Variants in AFF2 observed in about 807,000 individuals in gnomAD.
AFF2 encodes ALF transcription elongation factor 2.
A neutral mutation model predicts 76.9 loss-of-function variants in AFF2; 14 were observed. That is an observed-to-expected ratio of 0.18 (90% CI 0.12 to 0.28). AFF2 has a LOEUF of 0.28. Ranked by LOEUF, AFF2 falls within the 10% of genes least tolerant of loss-of-function variation. The pLI is 1.00. For synonymous variants in AFF2, 398 were observed against 366.7 expected, an observed-to-expected ratio of 1.09 and a Z score of -0.98; for missense variants, 868 against 1,001.1, an observed-to-expected ratio of 0.87 and a Z score of 1.79.
At chrX:148,663,966 T>G (rs2054333470) in intron 3 of AFF2, among the ~76,000 whole-genome samples, 1 of 112,147 alleles carries the variant, frequency 8.9e-6, no homozygotes. Context: ...GCAGTTTTGC[T>G]TTTTGTATCA....
intron 3 of AFF2, among the ~76,000 whole-genome samples, chrX:148,693,532 A>G (rs192842644): frequency 1.0e-3 from 116 of 111,985 alleles, no homozygotes; most frequent in Middle Eastern, 9.2e-3. Context: ...TGTTTAGCTT[A>G]TGATTTCCCA....
At chrX:148,970,901 C>T (rs1348756197) in intron 15 of AFF2, among the ~76,000 whole-genome samples, 1 of 111,496 alleles carries the variant, frequency 9.0e-6, no homozygotes, top group African/African-American at 3.3e-5. Context: ...AAAAGCAGCC[C>T]TTAGTTGCAA....
chrX:148,753,613 C>A (rs2055527759), intron 3 of AFF2, among the ~76,000 whole-genome samples: 1 of 111,895 alleles, frequency 8.9e-6, no homozygotes, highest in Admixed American at 9.5e-5. Context: ...AATATTGAAT[C>A]TTTTGGGGGA....
chrX:148,515,616 C>T (rs1170841655), intron 1 of AFF2, among the ~76,000 whole-genome samples: 1 of 111,733 alleles, frequency 8.9e-6, no homozygotes, highest in Non-Finnish European at 1.9e-5. Flanking sequence ...ATCATAAAAG[C>T]TATAACGATA....
At chrX:148,522,944 G>T (rs1557234722) in intron 1 of AFF2, among the ~76,000 whole-genome samples, 1 of 112,204 alleles carries the variant, frequency 8.9e-6, no homozygotes, top group African/African-American at 3.2e-5. Flanking sequence ...AGAAACTGAG[G>T]CAAGGAAATC....
At chrX:148,733,404 A>ATTCATTCATTCATCCT (rs1193299755) in intron 3 of AFF2, among the ~76,000 whole-genome samples, 9 of 110,518 alleles carry the variant, frequency 8.1e-5, no homozygotes, top group Non-Finnish European at 1.5e-4. Flanking sequence ...TTGTGCATTC[A>ATTCATTCATTCATCCT]TTCATTCATT....
chrX:148,874,932 G>A (rs927983735), intron 7 of AFF2, among the ~76,000 whole-genome samples: 1 of 112,141 alleles, frequency 8.9e-6, no homozygotes, highest in Non-Finnish European at 1.9e-5. Context: ...CCACATCAAT[G>A]TAATTGTGCC....
intron 4 of AFF2, among the ~76,000 whole-genome samples, chrX:148,835,195 G>A (rs889878512): frequency 9.0e-6 from 1 of 110,944 alleles, no homozygotes; most frequent in Non-Finnish European, 1.9e-5. Flanking sequence ...AAACCCAGAG[G>A]CACACCTCTA....
intron 3 of AFF2, among the ~76,000 whole-genome samples, chrX:148,692,516 G>T (rs1455337382): frequency 2.7e-5 from 3 of 112,083 alleles, no homozygotes; most frequent in Admixed American, 9.4e-5. Flanking sequence ...GTTCAGAAAA[G>T]AAAAGGTTCC....
Position 148,581,241 on chromosome X carries a change from T to TATACACACATATAC in AFF2, c.48-70758_48-70757insATACACACATATAC, listed in dbSNP as rs1557244686. Among the ~76,000 whole-genome samples the TATACACACATATAC allele has an allele frequency of 4.8e-5, 3 of 62,617 alleles. 1 individual carries two copies. The highest frequency in any genetic ancestry group is 1.8e-4 in the African/African-American group (3 of 16,501). 54.4% of individuals were successfully genotyped at this position (62,617 alleles called of 115,157 possible). On this transcript the variant is annotated intron_variant, in intron 1 of 20. Transcript: ENST00000370460. ...TATATAATATACGTATACGTATACG[T>TATACACACATATAC]GTACACACATATACGTATACGTGTA...
At chrX:148,673,932 C>T (rs1477141594) in intron 3 of AFF2, among the ~76,000 whole-genome samples, 1 of 112,596 alleles carries the variant, frequency 8.9e-6, no homozygotes, top group Non-Finnish European at 1.9e-5. Flanking sequence ...TATAAAGTTT[C>T]TTTTCACTTA....
chrX:148,711,635 T>C (rs782733813), intron 3 of AFF2, among the ~76,000 whole-genome samples: 3 of 112,426 alleles, frequency 2.7e-5, no homozygotes, highest in African/African-American at 9.7e-5. Context: ...CTCATTCCCC[T>C]TGGAAAGTAT....
intron 1 of AFF2, among the ~76,000 whole-genome samples, chrX:148,567,608 A>G (rs781805623): frequency 9.0e-6 from 1 of 111,087 alleles, no homozygotes; most frequent in African/African-American, 3.3e-5. Context: ...CTGATATACC[A>G]TTGTTTCAAG....
intron 9 of AFF2, among the ~76,000 whole-genome samples, chrX:148,917,971 G>C (rs1316028007): frequency 1.8e-5 from 2 of 111,826 alleles, no homozygotes; most frequent in Non-Finnish European, 3.8e-5. Flanking sequence ...GCATTTCCTA[G>C]AACTGAATTG....
chrX:148,877,453 G>A (rs1240524835), intron 7 of AFF2, among the ~76,000 whole-genome samples: 7 of 112,539 alleles, frequency 6.2e-5, no homozygotes, highest in Non-Finnish European at 1.3e-4. Context: ...AGCCAAAAGA[G>A]CTGAGCATAC....
At chrX:148,693,030 T>C (rs1478477086) in intron 3 of AFF2, among the ~76,000 whole-genome samples, 11 of 111,549 alleles carry the variant, frequency 9.9e-5, no homozygotes, top group Non-Finnish European at 2.1e-4. Context: ...GCCATTCTCC[T>C]GCCTCAGCCT....
At chrX:148,577,700 C>G (rs1344349757) in intron 1 of AFF2, among the ~76,000 whole-genome samples, 1 of 112,459 alleles carries the variant, frequency 8.9e-6, no homozygotes, top group Non-Finnish European at 1.9e-5. Context: ...TTTGCACTTT[C>G]ATTTGTTAAA....
At chrX:148,694,128 A>G (rs1234628401) in intron 3 of AFF2, among the ~76,000 whole-genome samples, 1 of 93,200 alleles carries the variant, frequency 1.1e-5, no homozygotes, top group African/African-American at 4.1e-5. Context: ...ATGAGAACAC[A>G]TGGACACAGG....
chrX:148,693,536 T>C (rs2054679191), intron 3 of AFF2, among the ~76,000 whole-genome samples: 1 of 112,099 alleles, frequency 8.9e-6, no homozygotes, highest in Admixed American at 9.4e-5. Flanking sequence ...TAGCTTATGA[T>C]TTCCCATGTC....
Sources: allele counts gnomAD v4.1 joint callset (sites outside exome capture counted in the v4.1 genomes callset), GRCh38; gene constraint gnomAD v4.1.1; transcripts MANE v1.5; gene names NCBI Gene and HGNC (gene_info 2026-07-23, HGNC 2026-07-21).